Variants in ABTB2 observed in about 807,000 individuals in gnomAD.
The protein encoded by ABTB2 is ankyrin repeat and BTB/POZ domain-containing protein 2.
ABTB2 carries 56 observed loss-of-function variants against 104.1 expected under a neutral mutation model. That is an observed-to-expected ratio of 0.54 (90% confidence interval 0.43 to 0.67). ABTB2 has a LOEUF of 0.67. Ranked by LOEUF, ABTB2 falls within the 30% of genes least tolerant of loss-of-function variation. The pLI is 0.00. For synonymous variants in ABTB2, 606 were observed against 608.2 expected (o/e 1.00, Z 0.05); for missense variants, 1,279 against 1,407.7 (o/e 0.91, Z 1.46).
chr11:34,282,858 T>A (rs1188073142), intron 1 of ABTB2, among the ~76,000 whole-genome samples: 2 of 151,050 alleles, frequency 1.3e-5, no homozygotes, highest in Non-Finnish European at 3.0e-5. Flanking sequence ...ATGATCCATA[T>A]TTTTTAAGTT....
intron 1 of ABTB2, among the ~76,000 whole-genome samples, chr11:34,270,017 C>T (rs997516819): frequency 6.6e-6 from 1 of 152,232 alleles, no homozygotes; most frequent in African/African-American, 2.4e-5. Context: ...AAACTTACGT[C>T]TTCTGGCTCC....
chr11:34,246,854 T>C (rs1175555311), intron 1 of ABTB2, among the ~76,000 whole-genome samples: 3 of 148,388 alleles, frequency 2.0e-5, no homozygotes, highest in East Asian at 1.9e-4. Context: ...TTTCTTTTTT[T>C]TTTTTTTTTT....
intron 2 of ABTB2, among the ~76,000 whole-genome samples, chr11:34,198,423 T>G (rs564909615): frequency 2.0e-5 from 3 of 147,494 alleles, no homozygotes; most frequent in Non-Finnish European, 4.4e-5. Context: ...CAGTGAGACT[T>G]TGTCTCAAAA....
chr11:34,224,292 A>C (rs1853660626), intron 1 of ABTB2, among the ~76,000 whole-genome samples: 1 of 151,772 alleles, frequency 6.6e-6, no homozygotes, highest in Non-Finnish European at 1.5e-5. Context: ...TTATAGGAGC[A>C]GGCCACCATG....
chr11:34,335,592 T>C, intron 1 of ABTB2: 1 of 1,502,576 alleles, frequency 6.7e-7, no homozygotes, highest in Non-Finnish European at 9.2e-7. Context: ...AAAGTTAAGT[T>C]TCTGCACTGT....
At chr11:34,231,351 A>C (rs1248233078) in intron 1 of ABTB2, among the ~76,000 whole-genome samples, 1 of 152,222 alleles carries the variant, frequency 6.6e-6, no homozygotes, top group East Asian at 1.9e-4. Flanking sequence ...TCTATGCATT[A>C]ATAGATACCA....
chr11:34,297,780 A>AAT lies in ABTB2; in HGVS notation c.883+58920_883+58921insAT, dbSNP rs1554923776. Among the ~76,000 whole-genome samples, 140 of 97,432 alleles carry AAT rather than the reference A, an allele frequency of 1.4e-3. 7 individuals carry two copies. Among genetic ancestry groups the AAT allele is most frequent in the African/African-American group, 5.1e-3 (92 of 18,090 alleles). 63.9% of individuals were successfully genotyped at this position (97,432 alleles called of 152,430 possible). A position where few individuals can be genotyped will look rare whatever the true frequency, so the allele number is the denominator to read the frequency against. On this transcript the variant is annotated intron_variant, in intron 1 of 16. Transcript: ENST00000435224. ...AAACTCCATCTCAAAAAAAAAAAAAAAAAATAAAAATAAAGGAAAGAAAAA... is the reference window on the plus strand; with the variant it reads ...AAACTCCATCTCAAAAAAAAAAAAAAATAAAATAAAAATAAAGGAAAGAAAAA...
chr11:34,339,519 T>G (rs942757674), intron 1 of ABTB2, among the ~76,000 whole-genome samples: 1 of 152,150 alleles, frequency 6.6e-6, no homozygotes, highest in Non-Finnish European at 1.5e-5. Flanking sequence ...AAGACGATGG[T>G]GTGGTCGCCT....
chr11:34,312,432 G>A (rs1416966478), intron 1 of ABTB2, among the ~76,000 whole-genome samples: 1 of 152,150 alleles, frequency 6.6e-6, no homozygotes, highest in Non-Finnish European at 1.5e-5. Context: ...GTCACCTTGA[G>A]GATTATAAGG....
chr11:34,335,615 C>G (rs1368694672), intron 1 of ABTB2: 1 of 1,504,104 alleles, frequency 6.6e-7, no homozygotes, highest in Non-Finnish European at 9.2e-7. Context: ...ATTTCTTGTT[C>G]AACAGGTGCA....
chr11:34,276,670 G>A (rs1386119474), intron 1 of ABTB2, among the ~76,000 whole-genome samples: 2 of 152,194 alleles, frequency 1.3e-5, no homozygotes, highest in Admixed American at 6.5e-5. Context: ...ATGCCAGGAC[G>A]TCAAATCAAA....
At chr11:34,221,554 G>T (rs1242146015) in intron 1 of ABTB2, among the ~76,000 whole-genome samples, 1 of 152,162 alleles carries the variant, frequency 6.6e-6, no homozygotes, top group Admixed American at 6.5e-5. Context: ...CTGTGCCTGT[G>T]TCCCTTAGAC....
chr11:34,212,446 G>C (rs1045892348), intron 1 of ABTB2, among the ~76,000 whole-genome samples: 29 of 152,150 alleles, frequency 1.9e-4, no homozygotes, highest in African/African-American at 6.5e-4. Context: ...TTGGATGAAC[G>C]AGCATTTGAA....
chr11:34,237,086 C>A (rs1339291674), intron 1 of ABTB2, among the ~76,000 whole-genome samples: 1 of 152,096 alleles, frequency 6.6e-6, no homozygotes, highest in Non-Finnish European at 1.5e-5. Context: ...TCATCTTGGA[C>A]AAGTTACCGA....
rs1425092535 is a variant in ABTB2 at position 34,355,777 on chromosome 11, T to C, written c.883+924A>G. ...TGAAGTCTTGTAGGTAGTTTGCAGT[T>C]GAATGCAATGTCACACCCCCTAACA... On this transcript the variant is annotated intron_variant, in intron 1 of 16. Transcript: ENST00000435224. Among the ~76,000 whole-genome samples, 6 of 152,142 alleles carry C rather than the reference T, an allele frequency of 3.9e-5. No individual in the cohort carries two copies. The East Asian group carries it at 1.2e-3, about 29-fold the overall frequency.
chr11:34,182,091 G>C lies in ABTB2; in HGVS notation c.1245-8784C>G, dbSNP rs113920024. 2.7e-3 allele frequency among the ~76,000 whole-genome samples: 410 copies of C among 152,332 alleles called. 2 individuals carry two copies. Among genetic ancestry groups the C allele is most frequent in the Non-Finnish European group, 4.7e-3 (317 of 68,032 alleles). On this transcript the variant is annotated intron_variant, in intron 3 of 16. Transcript: ENST00000435224. The stretch of plus-strand genomic sequence containing the variant: ...TTTCCTAAGCAAGTGACGGCTCCAC[G>C]AACAGACTTCTTTGGGAAGGTCAGG...
chr11:34,208,130 T>A (rs1341870109), intron 1 of ABTB2, among the ~76,000 whole-genome samples: 1 of 152,242 alleles, frequency 6.6e-6, no homozygotes, highest in African/African-American at 2.4e-5. Flanking sequence ...TCACCAGAGA[T>A]GGAAAATATT....
chr11:34,284,837 A>AC (rs1222225578), intron 1 of ABTB2, among the ~76,000 whole-genome samples: 1 of 152,228 alleles, frequency 6.6e-6, no homozygotes, highest in Non-Finnish European at 1.5e-5. Flanking sequence ...GCCTGCACAC[A>AC]CCCCACCTGA....
chr11:34,273,533 T>C (rs554816669), intron 1 of ABTB2, among the ~76,000 whole-genome samples: 5 of 152,258 alleles, frequency 3.3e-5, no homozygotes, highest in South Asian at 4.2e-4. Flanking sequence ...CATTCTGTCT[T>C]CTGCTTAAAG....
Sources: gnomAD v4.1 joint callset for allele counts (sites outside exome capture counted in the v4.1 genomes callset) on GRCh38, gnomAD v4.1.1 for gene constraint, MANE v1.5 for transcripts, NCBI Gene and HGNC (gene_info 2026-07-23, HGNC 2026-07-21) for gene names.